The following EIPR1 variants were observed in gnomAD, a reference collection of about 807,000 sequenced individuals.
EIPR1 encodes the protein EARP complex and GARP complex interacting protein 1, also known as EARP and GARP complex-interacting protein 1.
A neutral mutation model predicts 48.1 loss-of-function variants in EIPR1; 25 were observed. The observed-to-expected ratio is 0.52, with a 90% CI of 0.38 to 0.73. The LOEUF is 0.73. EIPR1 is among the 30% of genes least tolerant of loss of function. The pLI is 0.00. For synonymous variants in EIPR1, 204 were observed against 201.9 expected, an observed-to-expected ratio of 1.01 and a Z score of -0.09; for missense variants, 415 against 506.2, an observed-to-expected ratio of 0.82 and a Z score of 1.73.
At chr2:3,253,247 T>G (rs527906044) in intron 4 of EIPR1, among the ~76,000 whole-genome samples, 96 of 152,316 alleles carry the variant, frequency 6.3e-4, no homozygotes, top group African/African-American at 2.1e-3. Flanking sequence ...TCTGGAAGCC[T>G]CCTGCTTCGA....
chr2:3,371,910 C>T (rs1257228755), intron 1 of EIPR1, among the ~76,000 whole-genome samples: 1 of 152,172 alleles, frequency 6.6e-6, no homozygotes, highest in African/African-American at 2.4e-5. Flanking sequence ...ACTCCCCACC[C>T]CAAATCAACA....
chr2:3,287,552 A>ATCTAGAAAGCGCGTTCACCACGC (rs1558274933), intron 3 of EIPR1, among the ~76,000 whole-genome samples: 11 of 124,074 alleles, frequency 8.9e-5, no homozygotes, highest in East Asian at 8.0e-4. Context: ...GTTCACCACA[A>ATCTAGAAAGCGCGTTCACCACGC]TCTAGAAAGC....
intron 3 of EIPR1, among the ~76,000 whole-genome samples, chr2:3,318,363 G>A (rs540726850): frequency 3.3e-5 from 5 of 152,322 alleles, no homozygotes; most frequent in East Asian, 3.9e-4. Context: ...GTGAGGAGCC[G>A]TCGTGGGCTG....
At chr2:3,199,866 A>T (rs1350906726) in intron 5 of EIPR1, among the ~76,000 whole-genome samples, 1 of 92,266 alleles carries the variant, frequency 1.1e-5, no homozygotes, top group African/African-American at 4.3e-5. Flanking sequence ...CAGAGGTGAC[A>T]TGGGTGTGTC....
intron 4 of EIPR1, among the ~76,000 whole-genome samples, chr2:3,256,841 T>C (rs1448090882): frequency 6.6e-6 from 1 of 152,206 alleles, no homozygotes; most frequent in African/African-American, 2.4e-5. Context: ...ACACACCACA[T>C]GCCGGACACG....
chr2:3,218,785 G>A (rs1187831467), intron 4 of EIPR1, among the ~76,000 whole-genome samples: 1 of 150,200 alleles, frequency 6.7e-6, no homozygotes, highest in African/African-American at 2.5e-5. Flanking sequence ...CGTTCACAGT[G>A]ACCCAGGTGC....
intron 3 of EIPR1, among the ~76,000 whole-genome samples, chr2:3,302,508 C>T (rs1668790435): frequency 6.6e-6 from 1 of 152,250 alleles, no homozygotes; most frequent in African/African-American, 2.4e-5. Flanking sequence ...CCTCCCAGTT[C>T]TTTTCTGTTG....
At chr2:3,305,525 C>A (rs1184566065) in intron 3 of EIPR1, among the ~76,000 whole-genome samples, 1 of 152,036 alleles carries the variant, frequency 6.6e-6, no homozygotes, top group East Asian at 1.9e-4. Context: ...ACCCTCCACT[C>A]CCATCCAGTT....
At chr2:3,208,690 C>T (rs1182789355) in intron 5 of EIPR1, 2 of 1,550,356 alleles carry the variant, frequency 1.3e-6, no homozygotes, top group Admixed American at 2.0e-5. Context: ...CCCAATTCCC[C>T]CAGGAAACAC....
intron 2 of EIPR1, among the ~76,000 whole-genome samples, chr2:3,347,882 C>T (rs1418578280): frequency 6.6e-6 from 1 of 152,154 alleles, no homozygotes; most frequent in African/African-American, 2.4e-5. Context: ...GCCAGGCTAC[C>T]CTGTGATGCT....
intron 5 of EIPR1, among the ~76,000 whole-genome samples, chr2:3,198,423 C>A (rs993094847): frequency 6.6e-6 from 1 of 152,202 alleles, no homozygotes; most frequent in Non-Finnish European, 1.5e-5. Flanking sequence ...GGAGAAGAGG[C>A]CTCGGGCCCA....
intron 1 of EIPR1, among the ~76,000 whole-genome samples, chr2:3,366,086 T>C (rs1017960350): frequency 2.0e-5 from 3 of 152,148 alleles, no homozygotes; most frequent in African/African-American, 4.8e-5. Context: ...GGTGGGCGGA[T>C]CACTTGAGGT....
Position 3,196,937 on chromosome 2 carries a change from G to A in EIPR1, c.597C>T (p.Thr199=). ...SGRWSPHHNC[T]QVATANDTTL... ...TGGTGTCGTTCGCTGTGGCCACCTG[G>A]GTGCAGTTATGATGTGGGCTCCACC... The change falls in exon 6 of 9, where the codon ACC becomes ACT. Residue 199 remains threonine (T), a synonymous_variant. Transcript: ENST00000382125. 1 of 1,613,944 alleles carries A rather than the reference G, an allele frequency of 6.2e-7. No individual in the cohort carries two copies. Among genetic ancestry groups the A allele is most frequent in the Non-Finnish European group, 8.5e-7 (1 of 1,180,038 alleles).
At chr2:3,363,046 T>C (rs1008811342) in intron 1 of EIPR1, among the ~76,000 whole-genome samples, 1 of 152,198 alleles carries the variant, frequency 6.6e-6, no homozygotes, top group African/African-American at 2.4e-5. Context: ...GCATCTGCCC[T>C]TCTCCTTGGG....
Position 3,268,014 on chromosome 2 carries a change from G to C in EIPR1, c.260-10559C>G, listed in dbSNP as rs115836269. ...GCCCCCGTTCTCAGCCGAAAGCCCT[G>C]GAAGGAGACTGCAAGAGGCAGGGGC... On this transcript the variant is annotated intron_variant, in intron 3 of 8. Coordinates refer to ENST00000382125, the MANE Select transcript of EIPR1 (RefSeq NM_003310.5). 8.1e-3 allele frequency among the ~76,000 whole-genome samples: 1,231 copies of C among 152,338 alleles called. 15 individuals carry two copies. Among genetic ancestry groups the C allele is most frequent in the African/African-American group, 0.028 (1,179 of 41,568 alleles).
rs1664510873 is a variant in EIPR1, at chr2:3,189,196, T to C, written c.*138A>G. The C allele has an allele frequency of 1.1e-6, 1 of 910,590 alleles. No individual in the cohort carries two copies. Among genetic ancestry groups the C allele is most frequent in the Non-Finnish European group, 1.6e-6 (1 of 642,384 alleles). The allele number at this position is 910,590 out of a possible 1,614,324, so 56.4% of individuals were successfully genotyped here. Reference sequence around the variant, plus strand: ...CATTCACCCCATTCATAAATGCTGCTGCTACAGGAAGGGAACAGCGGCTCT... The same window carrying C: ...CATTCACCCCATTCATAAATGCTGCCGCTACAGGAAGGGAACAGCGGCTCT... On this transcript the variant is annotated 3_prime_UTR_variant, in exon 9 of 9. Coordinates refer to ENST00000382125, the MANE Select transcript of EIPR1 (RefSeq NM_003310.5). The surrounding 1 kb of genome is among the most constrained non-coding windows in gnomAD (Gnocchi z 4.6).
intron 1 of EIPR1, among the ~76,000 whole-genome samples, chr2:3,355,356 C>T (rs1670696396): frequency 6.6e-6 from 1 of 152,164 alleles, no homozygotes. Flanking sequence ...ATCAGACCAA[C>T]CTGCACAGGC....
chr2:3,277,174 CTCTCCACCCACGCGGCCCCACACCTG>C (rs1558267844), intron 3 of EIPR1, among the ~76,000 whole-genome samples: 2 of 146,264 alleles, frequency 1.4e-5, no homozygotes, highest in Non-Finnish European at 3.0e-5. Context: ...ATCCAGGAGC[CTCTCCACCCACGCGGCCCCACACCTG>C]TCTCCACCCA....
rs199761273 is a variant in EIPR1, at chr2:3,196,833, G to A, written c.653+48C>T. 652 of 1,603,590 alleles carry A rather than the reference G, an allele frequency of 4.1e-4. 5 individuals carry two copies. The African/African-American group carries it at 7.1e-3, about 17-fold the overall frequency. ...CTCCACCATCATCCCGGTTCTGCTCGGTGAGGGAGGAAAGGAAGTGGGGCC... is the reference window on the plus strand; with the variant it reads ...CTCCACCATCATCCCGGTTCTGCTCAGTGAGGGAGGAAAGGAAGTGGGGCC... On this transcript the variant is annotated intron_variant, in intron 6 of 8. Transcript: ENST00000382125.
Sources: gnomAD v4.1 joint callset for allele counts (sites outside exome capture counted in the v4.1 genomes callset) on GRCh38, gnomAD v4.1.1 for gene constraint, Gnocchi (gnomAD v3.1) non-coding constraint, MANE v1.5 for transcripts, NCBI Gene and HGNC (gene_info 2026-07-23, HGNC 2026-07-21) for gene names.